HAS3: variants seen among roughly 807,000 people sequenced by gnomAD.
The protein encoded by HAS3 is hyaluronan synthase 3.
Under a neutral mutation model 50.3 loss-of-function variants are expected in HAS3, and 27 were observed. The ratio of observed to expected loss-of-function variants is 0.54; its 90% CI spans 0.40 to 0.74. The LOEUF (loss-of-function observed/expected upper bound fraction) is 0.74. Among genes scored for constraint, HAS3 ranks in the 30% least tolerant of loss-of-function variants. The pLI, the probability that HAS3 is intolerant of heterozygous loss-of-function variation, is 0.00. For missense variants in HAS3, 517 were observed against 742.8 expected (o/e 0.70, Z 3.53); for synonymous variants, 339 against 310.9 (o/e 1.09, Z -0.95).
rs1046704095 is a variant in HAS3, at chr16:69,117,373, C to T, written c.*2107C>T. The T allele has an allele frequency of 3.9e-5, 38 of 985,672 alleles. No homozygotes were observed. Among genetic ancestry groups the T allele is most frequent in the Admixed American group, 6.1e-5 (1 of 16,268 alleles). The allele number at this position is 985,672 out of a possible 1,614,324, so 61.1% of individuals were successfully genotyped here. ...GCAGGTACAGGTAGTGGGCTCACAA[C>T]GTTTGACCTCGACTGGTTTTTCTAA... On this transcript the variant is annotated 3_prime_UTR_variant, in exon 4 of 4. Transcript: ENST00000569188.
the HAS3 span, among the ~76,000 whole-genome samples, chr16:69,098,158 A>T: frequency 5.3e-5 from 8 of 152,142 alleles, no homozygotes; most frequent in South Asian, 4.1e-4. Flanking sequence ...CCGAGGCGGG[A>T]GGATCACGAG....
the HAS3 span, among the ~76,000 whole-genome samples, chr16:69,093,891 A>G: frequency 6.6e-6 from 1 of 152,188 alleles, no homozygotes. Context: ...ATACATTAAT[A>G]GCTCTATTCC....
In HAS3 at chr16:69,114,148, T is replaced by G. The variant is rs759266238; in HGVS notation, c.739-195T>G. ...CAGATAAGATGACACAGTAGGGAGGTAGAGCTGGTGCTGGGGACAGGGATT... is the reference window on the plus strand; with the variant it reads ...CAGATAAGATGACACAGTAGGGAGGGAGAGCTGGTGCTGGGGACAGGGATT... On this transcript the variant is annotated intron_variant, in intron 3 of 3. Transcript: ENST00000569188. This position sits in a 1 kb window ranked among gnomAD's most constrained non-coding sequence, Gnocchi z 6.4. Among the ~76,000 whole-genome samples the G allele has an allele frequency of 2.6e-5, 4 of 151,882 alleles. No homozygotes were observed. The East Asian group carries it at 7.7e-4, about 29-fold the overall frequency.
chr16:69,109,387 T>A lies in HAS3; in HGVS notation c.1-9T>A. 6.3e-7 allele frequency: 1 copy of A among 1,593,176 alleles called. No individual in the cohort carries two copies. The highest frequency in any genetic ancestry group is 1.7e-5 in the Admixed American group (1 of 59,304). ...GCCTGACCCTTCATCTCCTGCCTTCTCTCGCCAGATGCCGGTGCAGCTGAC... is the reference window on the plus strand; with the variant it reads ...GCCTGACCCTTCATCTCCTGCCTTCACTCGCCAGATGCCGGTGCAGCTGAC... On this transcript the variant is annotated splice_polypyrimidine_tract_variant and intron_variant, in intron 1 of 3. Coordinates refer to ENST00000569188, the MANE Select transcript of HAS3 (RefSeq NM_001199280.2). This position sits in a 1 kb window ranked among gnomAD's most constrained non-coding sequence, Gnocchi z 5.3.
At chr16:69,083,602 A>T in the HAS3 span, 63 of 1,591,226 alleles carry the variant, frequency 4.0e-5, no homozygotes, top group Non-Finnish European at 5.4e-5. Flanking sequence ...GGATGACATC[A>T]TGAAAAACTT....
chr16:69,104,490 G>T (rs1960735213), upstream of HAS3, among the ~76,000 whole-genome samples: 1 of 151,982 alleles, frequency 6.6e-6, no homozygotes, highest in African/African-American at 2.4e-5. Flanking sequence ...TAGAGATAGG[G>T]TTTCACCATA....
Position 69,107,322 on chromosome 16 carries a change from C to T in HAS3, c.-1+1535C>T, listed in dbSNP as rs1001835418. The T allele has an allele frequency of 2.0e-6, 2 of 982,614 alleles. No individual in the cohort carries two copies. The highest frequency in any genetic ancestry group is 1.7e-5 in the African/African-American group (1 of 57,254). 60.9% of individuals were successfully genotyped at this position (982,614 alleles called of 1,614,324 possible). A position where few individuals can be genotyped will look rare whatever the true frequency, so the allele number is the denominator to read the frequency against. ...ATTCCTGCGGGGGAGGGGTCCCGCC[C>T]AGGGAAGGAGAGGGCCGGCTACACC... On this transcript the variant is annotated intron_variant, in intron 1 of 3. Transcript: ENST00000569188. This position sits in a 1 kb window ranked among gnomAD's most constrained non-coding sequence, Gnocchi z 5.5.
chr16:69,090,595 T>A, the HAS3 span, among the ~76,000 whole-genome samples: 1 of 151,620 alleles, frequency 6.6e-6, no homozygotes, highest in Non-Finnish European at 1.5e-5. Flanking sequence ...TTAGACGGAG[T>A]CTTGCTCTGT....
downstream of HAS3, chr16:69,118,269 G>A (rs544474083): frequency 1.2e-4 from 104 of 836,830 alleles, no homozygotes; most frequent in East Asian, 2.4e-3. Flanking sequence ...GGAGAAGGGA[G>A]CTGCAGGCCC....
rs1960846643 is a variant in HAS3, at chr16:69,107,549, C to T, written c.-1+1762C>T. 4 of 984,084 alleles carry T rather than the reference C, an allele frequency of 4.1e-6. No homozygotes were observed. The highest frequency in any genetic ancestry group is 4.8e-6 in the Non-Finnish European group (4 of 828,640). The allele number at this position is 984,084 out of a possible 1,614,324, so 61.0% of individuals were successfully genotyped here. A position where few individuals can be genotyped will look rare whatever the true frequency, so the allele number is the denominator to read the frequency against. On this transcript the variant is annotated intron_variant, in intron 1 of 3. Coordinates refer to ENST00000569188, the MANE Select transcript of HAS3 (RefSeq NM_001199280.2). The surrounding 1 kb of genome is among the most constrained non-coding windows in gnomAD (Gnocchi z 5.5). ...GGATGAGAAGCGTGGCGAGTGCGTT[C>T]GCGGCTGCTTTGACCTGGTGGGCGC...
At position 69,106,099 on chromosome 16, in the gene HAS3, CG is replaced by C. The variant is rs796921211; in HGVS notation, c.-1+317del. 5.3e-5 allele frequency among the ~76,000 whole-genome samples: 8 copies of C among 151,894 alleles called. 1 individual carries two copies. The highest frequency in any genetic ancestry group is 1.9e-4 in the African/African-American group (8 of 41,472). ...GGCGCTCCCTGGGACCGCGCGGGGT[CG>C]GGGGTGCGCCCGCGGGGGCCCTCCC... On this transcript the variant is annotated intron_variant, in intron 1 of 3. Coordinates refer to ENST00000569188, the MANE Select transcript of HAS3 (RefSeq NM_001199280.2). The surrounding 1 kb of genome is among the most constrained non-coding windows in gnomAD (Gnocchi z 5.5).
chr16:69,109,638 C>T lies in HAS3; in HGVS notation c.243C>T (p.Ser81=). ...CCGGCCAGGCCCTGAAGCTGCCCTC[C>T]CCGCGGCGGGGCTCGGTGGCACTGT... The part of the protein sequence containing the change: ...RRAGQALKLP[S]PRRGSVALCI... Residue 81 remains serine, a synonymous_variant, in exon 2 of 4, where the codon TCC becomes TCT. Transcript: ENST00000569188. The surrounding 1 kb of genome is among the most constrained non-coding windows in gnomAD (Gnocchi z 5.3). The T allele has an allele frequency of 6.2e-7, 1 of 1,610,882 alleles. No individual in the cohort carries two copies. Among genetic ancestry groups the T allele is most frequent in the Non-Finnish European group, 8.5e-7 (1 of 1,179,618 alleles).
At chr16:69,097,290 G>C in the HAS3 span, among the ~76,000 whole-genome samples, 3 of 151,972 alleles carry the variant, frequency 2.0e-5, no homozygotes, top group African/African-American at 7.3e-5. Context: ...TCCTGGCCAA[G>C]ATGGTGAAAC....
chr16:69,098,821 A>G, the HAS3 span, among the ~76,000 whole-genome samples: 1 of 149,172 alleles, frequency 6.7e-6, no homozygotes, highest in South Asian at 2.1e-4. Context: ...ATGCACCACC[A>G]TGCCCAGCTA....
the HAS3 span, among the ~76,000 whole-genome samples, chr16:69,095,044 C>T: frequency 6.8e-6 from 1 of 147,390 alleles, no homozygotes; most frequent in African/African-American, 2.5e-5. Flanking sequence ...TGCAGTAACA[C>T]AATCTCAGCT....
At position 69,116,902 on chromosome 16, in the gene HAS3, C is replaced by T. The variant is rs1422556646; in HGVS notation, c.*1636C>T. On this transcript the variant is annotated 3_prime_UTR_variant, in exon 4 of 4. Coordinates refer to ENST00000569188, the MANE Select transcript of HAS3 (RefSeq NM_001199280.2). The stretch of plus-strand genomic sequence containing the variant: ...CTAAGGTGGACAGCAGACAAGAGGG[C>T]AAGCCTCTAGTGTACCAAGTGCTTC... The T allele has an allele frequency of 2.0e-6, 2 of 985,190 alleles. No homozygotes were observed. The highest frequency in any genetic ancestry group is 2.4e-6 in the Non-Finnish European group (2 of 829,802). The allele number at this position is 985,190 out of a possible 1,614,324, so 61.0% of individuals were successfully genotyped here.
At chr16:69,108,266 C>CG in intron 1 of HAS3, among the ~76,000 whole-genome samples, 1 of 152,196 alleles carries the variant, frequency 6.6e-6, no homozygotes, top group Non-Finnish European at 1.5e-5. Flanking sequence ...TCTTCGGGGC[C>CG]GGAAGTGTTT....
At chr16:69,117,770 A>G (rs1961259424), downstream of HAS3, 2 of 333,870 alleles carry the variant, frequency 6.0e-6, no homozygotes, top group South Asian at 2.4e-4. Flanking sequence ...CCTGGGCAAT[A>G]TGTCCATCCT....
the HAS3 span, chr16:69,083,798 T>C: frequency 3.3e-6 from 3 of 919,104 alleles, no homozygotes; most frequent in Non-Finnish European, 4.8e-6. Context: ...ATGGTGCAGG[T>C]CACTTGGGTC....
Sources: gnomAD v4.1 joint callset for allele counts (sites outside exome capture counted in the v4.1 genomes callset) on GRCh38, gnomAD v4.1.1 for gene constraint, Gnocchi (gnomAD v3.1) non-coding constraint, MANE v1.5 for transcripts, NCBI Gene and HGNC (gene_info 2026-07-23, HGNC 2026-07-21) for gene names.